ABI3BP: variants seen among roughly 807,000 people sequenced by gnomAD.
The protein encoded by ABI3BP is ABI family member 3 binding protein.
Under a neutral mutation model 268.6 loss-of-function variants are expected in ABI3BP, and 216 were observed. That is an observed-to-expected ratio of 0.80 (90% confidence interval 0.72 to 0.90). The LOEUF (loss-of-function observed/expected upper bound fraction) is 0.90, where lower values mean the gene tolerates loss of function less well. Among genes scored for constraint, ABI3BP ranks in the 40% least tolerant of loss-of-function variants. ABI3BP has a pLI of 0.00. For synonymous variants in ABI3BP, 730 were observed against 730.0 expected, an observed-to-expected ratio of 1.00 and a Z score of 0.00; for missense variants, 2,090 against 2,182.4, an observed-to-expected ratio of 0.96 and a Z score of 0.84.
At chr3:100,769,000 C>G (rs148689524) in intron 62 of ABI3BP, among the ~76,000 whole-genome samples, 1 of 152,318 alleles carries the variant, frequency 6.6e-6, no homozygotes, top group African/African-American at 2.4e-5. Flanking sequence ...GAAGCCAACT[C>G]AGGGGGAAGA....
intron 12 of ABI3BP, chr3:100,863,133 C>T (rs2099015412): frequency 2.1e-6 from 1 of 476,700 alleles, no homozygotes; most frequent in Non-Finnish European, 3.7e-6. Context: ...TGTATTTGGA[C>T]TCTTCTTTCC....
intron 28 of ABI3BP, among the ~76,000 whole-genome samples, chr3:100,835,285 T>C (rs985999861): frequency 6.6e-6 from 1 of 152,204 alleles, no homozygotes; most frequent in Non-Finnish European, 1.5e-5. Context: ...CAGGCAGACA[T>C]TCCTAATTGT....
chr3:100,778,318 T>C lies in ABI3BP; in HGVS notation c.4299A>G (p.Pro1433=), dbSNP rs771265424. The C allele has an allele frequency of 1.2e-6, 2 of 1,613,634 alleles. No individual in the cohort carries two copies. The highest frequency in any genetic ancestry group is 2.2e-5 in the South Asian group (2 of 91,038). ...RPTHPRRKPL[P]PNNVTGKPGS... ...CTGGCTTTCCAGTGACATTATTTGG[T>C]GGTAAAGGTTTTCTTCGTGGGTGTG... is the stretch of plus-strand genomic sequence containing the variant. Residue 1433 remains proline, a synonymous_variant, in exon 59 of 68, where the codon CCA becomes CCG. Transcript: ENST00000471714.
intron 1 of ABI3BP, among the ~76,000 whole-genome samples, chr3:100,961,793 G>A (rs2079196936): frequency 6.6e-6 from 1 of 152,102 alleles, no homozygotes; most frequent in African/African-American, 2.4e-5. Context: ...CACACTCTTA[G>A]ACATCATTGA....
intron 1 of ABI3BP, among the ~76,000 whole-genome samples, chr3:100,932,030 A>G (rs993231020): frequency 2.0e-5 from 3 of 152,052 alleles, no homozygotes; most frequent in African/African-American, 7.2e-5. Flanking sequence ...GTAACAGGTT[A>G]GAAAGCCCAG....
chr3:100,787,706 G>T, intron 57 of ABI3BP, 22 bp downstream of exon 57: 1 of 1,495,984 alleles, frequency 6.7e-7, no homozygotes, highest in Admixed American at 2.2e-5. Flanking sequence ...GGATAAAAAG[G>T]AAATACATTT....
At chr3:100,864,637 G>T in intron 11 of ABI3BP, 196 bp downstream of exon 11, 1 of 538,532 alleles carries the variant, frequency 1.9e-6, no homozygotes, top group Admixed American at 3.5e-5. Context: ...CAGTCACCAG[G>T]ATCAGCCATG....
At chr3:100,882,552 C>T (rs1437703506) in intron 6 of ABI3BP, among the ~76,000 whole-genome samples, 3 of 151,628 alleles carry the variant, frequency 2.0e-5, no homozygotes, top group Non-Finnish European at 4.4e-5. Flanking sequence ...TTGGAAATAA[C>T]AAAGAGTTTT....
Position 100,778,365 on chromosome 3 carries a change from G to A in ABI3BP, c.4252C>T (p.Pro1418Ser). The A allele has an allele frequency of 6.3e-7, 1 of 1,588,976 alleles. No individual in the cohort carries two copies. ...TGTGTAGGTCTGGGTGGCAAGGGTG[G>A]GCGGCGAGTCCCTGGGATTGTGGAT... ...HPTKKPGTRR[P>S]PLPPRPTHPR... Residue 1418 changes from proline to serine, a missense_variant, in exon 59 of 68, where the codon CCA (proline) becomes TCA (serine). Pro to Ser is a moderately conservative substitution (Grantham distance 74). Coordinates refer to ENST00000471714, the MANE Select transcript of ABI3BP (RefSeq NM_001375547.2).
chr3:100,797,132 T>C lies in ABI3BP; in HGVS notation c.3758-664A>G, dbSNP rs571975743. On this transcript the variant is annotated intron_variant, in intron 51 of 67. Coordinates refer to ENST00000471714, the MANE Select transcript of ABI3BP (RefSeq NM_001375547.2). ...CCAGTATATTAGGTGTCAAGCATGC[T>C]TGACATAAGCATATGAAAACAAGAC... Among the ~76,000 whole-genome samples the C allele has an allele frequency of 4.6e-5, 7 of 152,190 alleles. No individual in the cohort carries two copies. In the South Asian group the frequency reaches 1.5e-3, roughly 32 times the overall value.
chr3:100,942,590 G>A (rs2069933548), intron 1 of ABI3BP, among the ~76,000 whole-genome samples: 3 of 152,034 alleles, frequency 2.0e-5, no homozygotes, highest in Admixed American at 1.3e-4. Context: ...AATTCATGGA[G>A]ATGATTTGCT....
At chr3:100,981,577 T>C (rs1208916147) in intron 1 of ABI3BP, among the ~76,000 whole-genome samples, 2 of 152,152 alleles carry the variant, frequency 1.3e-5, no homozygotes, top group African/African-American at 4.8e-5. Context: ...CTAAGTCACA[T>C]GGAATTGCAT....
intron 8 of ABI3BP, 144 bp from the exon 9 acceptor site, chr3:100,875,077 G>GA: frequency 5.7e-6 from 3 of 522,274 alleles, no homozygotes; most frequent in South Asian, 3.3e-5. Context: ...TAAAACATTG[G>GA]AAAAAATATA....
intron 55 of ABI3BP, 27 bp downstream of exon 55, chr3:100,792,664 T>C (rs980443265): frequency 6.3e-7 from 1 of 1,599,160 alleles, no homozygotes; most frequent in South Asian, 1.1e-5. Context: ...GGAAAAGTTA[T>C]TCTCCAGAGG....
At chr3:100,966,852 C>T (rs2153836220) in intron 1 of ABI3BP, among the ~76,000 whole-genome samples, 1 of 152,212 alleles carries the variant, frequency 6.6e-6, no homozygotes, top group Non-Finnish European at 1.5e-5. Flanking sequence ...CTCTGTACCA[C>T]ACCCCCATGA....
At position 100,886,310 on chromosome 3, in the gene ABI3BP, G is replaced by A. The variant is rs1005975720; in HGVS notation, c.475C>T (p.Arg159Cys). 2.5e-6 allele frequency: 4 copies of A among 1,594,030 alleles called. No individual in the cohort carries two copies. Among genetic ancestry groups the A allele is most frequent in the South Asian group, 2.3e-5 (2 of 88,208 alleles). The change falls in exon 5 of 68, where the codon CGC (arginine) becomes TGC (cysteine). Residue 159 changes from arginine to cysteine, a missense_variant. Transcript: ENST00000471714. ...HCPNDRFYTI[R>C]YREKDKEKKW... ...TTTTCTTTATCCTTTTCTCGATAGC[G>A]AATTGTATAAAATCTGTTGAATAAC... is the stretch of plus-strand genomic sequence containing the variant.
chr3:100,892,847 C>T (rs2045398679), intron 4 of ABI3BP, among the ~76,000 whole-genome samples: 1 of 152,108 alleles, frequency 6.6e-6, no homozygotes, highest in South Asian at 2.1e-4. Context: ...CATGATTCCA[C>T]ATTTAGGAGA....
chr3:100,915,847 T>C (rs1037091742), intron 2 of ABI3BP, among the ~76,000 whole-genome samples: 3 of 152,156 alleles, frequency 2.0e-5, no homozygotes, highest in African/African-American at 7.2e-5. Flanking sequence ...GCTCCTGGCA[T>C]AGAGTTGGGA....
chr3:100,847,747 A>C, intron 18 of ABI3BP, 74 bp from the exon 19 acceptor site: 1 of 1,246,700 alleles, frequency 8.0e-7, no homozygotes. Flanking sequence ...GAGGAACTAA[A>C]TGATCCATTT....
Sources: gnomAD v4.1 joint callset for allele counts (sites outside exome capture counted in the v4.1 genomes callset) on GRCh38, gnomAD v4.1.1 for gene constraint, MANE v1.5 for transcripts, NCBI Gene and HGNC (gene_info 2026-07-23, HGNC 2026-07-21) for gene names.